Variants in SYNE2 observed in about 807,000 individuals in gnomAD.
SYNE2 encodes the protein spectrin repeat containing nuclear envelope protein 2.
In SYNE2, 431 loss-of-function variants were observed where a neutral mutation model predicts 856.3. That is an observed-to-expected ratio of 0.50 (90% CI 0.47 to 0.55). The LOEUF (loss-of-function observed/expected upper bound fraction) is 0.55. Ranked by LOEUF, SYNE2 falls within the 20% of genes least tolerant of loss-of-function variation. The pLI is 0.00. For missense variants in SYNE2, 8,129 were observed against 8,023.2 expected, an observed-to-expected ratio of 1.01 and a Z score of -0.50; for synonymous variants, 2,923 against 2,872.3, an observed-to-expected ratio of 1.02 and a Z score of -0.56.
rs2098681808 is a variant in SYNE2 at position 64,219,113 on chromosome 14, T to TG, written c.19658-95_19658-94insG. 9.7e-6 allele frequency: 9 copies of TG among 926,234 alleles called. 1 individual carries two copies. Among genetic ancestry groups the TG allele is most frequent in the East Asian group, 3.3e-5 (1 of 30,316 alleles). 57.4% of individuals were successfully genotyped at this position (926,234 alleles called of 1,614,324 possible). On this transcript the variant is annotated intron_variant, in intron 109 of 115. Coordinates refer to ENST00000555002, the MANE Select transcript of SYNE2 (RefSeq NM_182914.3). ...CCCCTACAGTTTTTTTGTTTTTTTT[T>TG]TTTTTTTTTTTAACCACCCTGACCC...
At chr14:63,964,428 A>G (rs896473641) in intron 10 of SYNE2, among the ~76,000 whole-genome samples, 4 of 152,236 alleles carry the variant, frequency 2.6e-5, no homozygotes, top group African/African-American at 9.6e-5. Context: ...TAGAGACCAT[A>G]TGGCCTGAGA....
At chr14:64,223,511 G>A (rs577023834) in intron 113 of SYNE2, 131 bp downstream of exon 113, 68 of 945,304 alleles carry the variant, frequency 7.2e-5, no homozygotes, top group African/African-American at 1.3e-4. Flanking sequence ...GCCTCATGTC[G>A]TGCCCTTTTT....
intron 96 of SYNE2, among the ~76,000 whole-genome samples, chr14:64,182,579 G>A (rs925891843): frequency 3.3e-5 from 5 of 152,074 alleles, no homozygotes; most frequent in African/African-American, 1.2e-4. Flanking sequence ...AGATTAGGGA[G>A]TGGTGATGAC....
In SYNE2 at chr14:64,089,186, C is replaced by T. The variant is rs148323292; in HGVS notation, c.11671-388C>T. ...TTGGAGACCAGCCTGGCCAACATGGCGAAACTCCGTCTCTACTAAAAATAT... is the reference window on the plus strand; with the variant it reads ...TTGGAGACCAGCCTGGCCAACATGGTGAAACTCCGTCTCTACTAAAAATAT... On this transcript the variant is annotated intron_variant, in intron 58 of 115. Coordinates refer to ENST00000555002, the MANE Select transcript of SYNE2 (RefSeq NM_182914.3). Among the ~76,000 whole-genome samples the T allele has an allele frequency of 1.6e-3, 241 of 151,692 alleles. 1 individual carries two copies. Among genetic ancestry groups the T allele is most frequent in the African/African-American group, 5.4e-3 (223 of 41,398 alleles).
chr14:63,994,961 A>G, intron 22 of SYNE2, 83 bp from the exon 23 acceptor site: 14 of 910,048 alleles, frequency 1.5e-5, no homozygotes, highest in Non-Finnish European at 2.0e-5. Flanking sequence ...TTTTGTCACT[A>G]CACATATATT....
At chr14:63,799,421 C>T (rs1422052123) in intron 1 of SYNE2, among the ~76,000 whole-genome samples, 3 of 139,648 alleles carry the variant, frequency 2.1e-5, no homozygotes, top group South Asian at 4.6e-4. Context: ...TTTGGCCGGG[C>T]GCGGTGGCTC....
At chr14:63,903,221 T>C (rs1235777773) in intron 1 of SYNE2, among the ~76,000 whole-genome samples, 5 of 152,226 alleles carry the variant, frequency 3.3e-5, no homozygotes, top group Non-Finnish European at 5.9e-5. Flanking sequence ...TGACAAATAA[T>C]TGTGCTATGA....
chr14:64,009,883 C>A, intron 31 of SYNE2, 83 bp from the exon 32 acceptor site: 9 of 1,259,212 alleles, frequency 7.1e-6, no homozygotes, highest in Non-Finnish European at 1.0e-5. Context: ...CCTTATTCAT[C>A]ATTTATGTGG....
intron 1 of SYNE2, among the ~76,000 whole-genome samples, chr14:63,824,142 C>T (rs1889329239): frequency 6.6e-6 from 1 of 152,256 alleles, no homozygotes; most frequent in East Asian, 1.9e-4. Flanking sequence ...AGTTAGAGAT[C>T]AGCCTGGGCA....
chr14:64,033,527 A>T (rs1359266748), intron 45 of SYNE2, among the ~76,000 whole-genome samples: 1 of 151,584 alleles, frequency 6.6e-6, no homozygotes, highest in Non-Finnish European at 1.5e-5. Context: ...AAAAAAAAAA[A>T]ATACAAAAAT....
chr14:63,809,891 C>G (rs1405784835), intron 1 of SYNE2, among the ~76,000 whole-genome samples: 1 of 152,040 alleles, frequency 6.6e-6, no homozygotes, highest in African/African-American at 2.4e-5. Context: ...CCAGAGGGCT[C>G]CTAAAAAAAT....
intron 1 of SYNE2, among the ~76,000 whole-genome samples, chr14:63,768,482 T>G (rs544494225): frequency 1.3e-5 from 2 of 152,342 alleles, no homozygotes; most frequent in East Asian, 3.9e-4. Flanking sequence ...TTGTCAATCT[T>G]ATATATTACC....
chr14:63,940,755 C>A, intron 3 of SYNE2, 80 bp downstream of exon 3: 2 of 1,332,170 alleles, frequency 1.5e-6, no homozygotes, highest in Non-Finnish European at 2.1e-6. Flanking sequence ...CCAAGGAGGC[C>A]ATTAAAAAAT....
chr14:63,812,398 C>G (rs1331632628), intron 1 of SYNE2, among the ~76,000 whole-genome samples: 1 of 152,114 alleles, frequency 6.6e-6, no homozygotes, highest in Non-Finnish European at 1.5e-5. Context: ...TTATTCTGTT[C>G]TTTTTCAAGA....
intron 51 of SYNE2, 31 bp from the exon 52 acceptor site, chr14:64,070,614 T>A (rs1488891104): frequency 6.3e-7 from 1 of 1,584,332 alleles, no homozygotes; most frequent in Non-Finnish European, 8.6e-7. Flanking sequence ...TATATTTTAC[T>A]TATTTTAGTT....
At chr14:63,898,011 T>C (rs1404487499) in intron 1 of SYNE2, among the ~76,000 whole-genome samples, 3 of 152,262 alleles carry the variant, frequency 2.0e-5, no homozygotes, top group East Asian at 1.9e-4. Flanking sequence ...TGGAACTTTG[T>C]CTTATCATGA....
intron 43 of SYNE2, 143 bp downstream of exon 43, chr14:64,027,936 C>T (rs1394316402): frequency 1.4e-6 from 1 of 739,758 alleles, no homozygotes; most frequent in Non-Finnish European, 2.1e-6. Context: ...GAGACAGGGT[C>T]TCACTCTTTG....
chr14:64,037,885 CG>C (rs1237317765), intron 45 of SYNE2, among the ~76,000 whole-genome samples: 6 of 148,374 alleles, frequency 4.0e-5, no homozygotes, highest in South Asian at 2.1e-4. Flanking sequence ...GCTGGCCGGG[CG>C]GGGGGCTGAC....
At position 64,223,176 on chromosome 14, in the gene SYNE2, T is replaced by C. The variant is rs376369806; in HGVS notation, c.20191-13T>C. ...GGACAGGTCACTGTTTCACACACTT[T>C]ATCTGTTTTCAGCAACTGGAAAAGG... On this transcript the variant is annotated splice_polypyrimidine_tract_variant and intron_variant, in intron 112 of 115. Transcript: ENST00000555002. The C allele has an allele frequency of 1.1e-4, 170 of 1,613,088 alleles. No homozygotes were observed. The African/African-American group carries it at 2.0e-3, about 19-fold the overall frequency.
Sources: gnomAD v4.1 joint callset for allele counts (sites outside exome capture counted in the v4.1 genomes callset) on GRCh38, gnomAD v4.1.1 for gene constraint, MANE v1.5 for transcripts, NCBI Gene and HGNC (gene_info 2026-07-23, HGNC 2026-07-21) for gene names.